The following CCDC175 variants were observed in gnomAD, a reference collection of about 807,000 sequenced individuals.
The protein encoded by CCDC175 is coiled-coil domain-containing protein 175.
Under a neutral mutation model 114.6 loss-of-function variants are expected in CCDC175, and 100 were observed. The observed-to-expected ratio is 0.87, with a 90% CI of 0.74 to 1.03. CCDC175 has a LOEUF of 1.03. CCDC175 is among the 50% of genes least tolerant of loss of function. CCDC175 has a pLI of 0.00. For synonymous variants in CCDC175, 306 were observed against 308.7 expected, an observed-to-expected ratio of 0.99 and a Z score of 0.09; for missense variants, 880 against 917.8, an observed-to-expected ratio of 0.96 and a Z score of 0.53.
At chr14:59,571,025 G>T (rs1449314736) in intron 3 of CCDC175, among the ~76,000 whole-genome samples, 1 of 152,070 alleles carries the variant, frequency 6.6e-6, no homozygotes, top group Non-Finnish European at 1.5e-5. Context: ...ACAGGCGTGA[G>T]CCACCTTGCC....
At position 59,521,640 on chromosome 14, in the gene CCDC175, T is replaced by A; in HGVS notation, c.2032A>T (p.Arg678Ter). The A allele has an allele frequency of 6.5e-7, 1 of 1,533,700 alleles. No individual in the cohort carries two copies. Among genetic ancestry groups the A allele is most frequent in the Non-Finnish European group, 8.7e-7 (1 of 1,143,600 alleles). ...LYLKNNIEKYREGQEALMHTS... is the reference protein window; with the variant it reads ...LYLKNNIEKY The stretch of plus-strand genomic sequence containing the variant: ...TGCATGAGGGCTTCTTGTCCTTCTC[T>A]GTATTTCTCTATGTTATTCTTCAAG... Residue 678 changes from arginine (R) to a stop codon, truncating the protein, a stop_gained, in exon 17 of 20, where the codon AGA (arginine) becomes TGA (stop). Transcript: ENST00000537690. LOFTEE classifies it high-confidence loss of function.
chr14:59,536,490 T>G (rs980159482), intron 13 of CCDC175, among the ~76,000 whole-genome samples: 7 of 151,734 alleles, frequency 4.6e-5, no homozygotes, highest in African/African-American at 1.7e-4. Flanking sequence ...AAAGGCAGAG[T>G]TTTTGCCTGT....
rs1377525068 is a variant in CCDC175, at chr14:59,568,324, T to C, written c.412A>G (p.Arg138Gly). Residue 138 changes from arginine to glycine, a missense_variant, in exon 4 of 20, where the codon AGA (arginine) becomes GGA (glycine). Arg to Gly is a moderately radical substitution (Grantham distance 125, BLOSUM62 -2). Coordinates refer to ENST00000537690, the MANE Select transcript of CCDC175 (RefSeq NM_001164399.2). The stretch of plus-strand genomic sequence containing the variant: ...ATTTCATTCTCTGTCCTTGTAATTC[T>C]CATTTTTATTGTATTTATCTCAAAA... The part of the protein sequence containing the change: ...NLFEINTIKM[R>G]ITRTENEIEL... 1.3e-6 allele frequency: 2 copies of C among 1,533,082 alleles called. No homozygotes were observed. The highest frequency in any genetic ancestry group is 1.4e-5 in the African/African-American group (1 of 72,750). 95.0% of individuals were successfully genotyped at this position (1,533,082 alleles called of 1,614,324 possible). A position where few individuals can be genotyped will look rare whatever the true frequency, so the allele number is the denominator to read the frequency against.
At chr14:59,507,584 G>A (rs934639639) in intron 19 of CCDC175, among the ~76,000 whole-genome samples, 3 of 152,180 alleles carry the variant, frequency 2.0e-5, no homozygotes, top group Non-Finnish European at 4.4e-5. Flanking sequence ...GAAGTCCTGT[G>A]GCAGAACCCA....
chr14:59,543,424 C>T lies in CCDC175; in HGVS notation c.1203G>A (p.Gln401=). 6.9e-7 allele frequency: 1 copy of T among 1,455,600 alleles called. No homozygotes were observed. The highest frequency in any genetic ancestry group is 9.1e-7 in the Non-Finnish European group (1 of 1,095,110). 90.2% of individuals were successfully genotyped at this position (1,455,600 alleles called of 1,614,324 possible). Residue 401 remains glutamine, a synonymous_variant, in exon 10 of 20, where the codon CAG becomes CAA. Transcript: ENST00000537690. ...TCTTTTGTGACAGAAAGTATTCTTT[C>T]TGAGAAATAAATGTCAGCTGTTTCT... The part of the protein sequence containing the change: ...ENQKQLTFIS[Q]KEYFLSQKRV...
chr14:59,522,148 T>C (rs1263241563), intron 16 of CCDC175, among the ~76,000 whole-genome samples: 1 of 152,208 alleles, frequency 6.6e-6, no homozygotes, highest in Non-Finnish European at 1.5e-5. Flanking sequence ...GTGGTGGCAG[T>C]AGTGACAGGT....
intron 10 of CCDC175, 146 bp from the exon 11 acceptor site, chr14:59,540,892 T>C: frequency 1.4e-6 from 1 of 704,146 alleles, no homozygotes; most frequent in Non-Finnish European, 2.3e-6. Flanking sequence ...AACATTTCAG[T>C]GGCAGACTGA....
At chr14:59,518,412 A>C (rs189905203) in intron 17 of CCDC175, among the ~76,000 whole-genome samples, 1 of 152,156 alleles carries the variant, frequency 6.6e-6, no homozygotes, top group African/African-American at 2.4e-5. Context: ...AAATTTTTGC[A>C]ATCTACTCAT....
chr14:59,563,475 AT>A (rs550046060), intron 6 of CCDC175, among the ~76,000 whole-genome samples: 183 of 152,258 alleles, frequency 1.2e-3, no homozygotes, highest in African/African-American at 3.5e-3. Context: ...AGTTCTGTAT[AT>A]TTTTTTAAAT....
At chr14:59,514,898 G>A (rs566820581) in intron 17 of CCDC175, among the ~76,000 whole-genome samples, 2 of 152,272 alleles carry the variant, frequency 1.3e-5, no homozygotes, top group East Asian at 1.9e-4. Context: ...AGGAAAAAAT[G>A]TTAAGGGCAG....
chr14:59,575,449 T>A (rs1478188589), intron 1 of CCDC175, among the ~76,000 whole-genome samples: 1 of 149,840 alleles, frequency 6.7e-6, no homozygotes, highest in Non-Finnish European at 1.5e-5. Flanking sequence ...TGACCTCAGA[T>A]ACATGTGAAT....
chr14:59,530,268 G>T (rs941313273), intron 14 of CCDC175, among the ~76,000 whole-genome samples: 1 of 152,038 alleles, frequency 6.6e-6, no homozygotes, highest in African/African-American at 2.4e-5. Flanking sequence ...TCAGGAGGCT[G>T]AGGCAGGAGA....
chr14:59,531,590 A>G (rs1326160195), intron 14 of CCDC175, among the ~76,000 whole-genome samples, 182 bp downstream of exon 14: 1 of 152,204 alleles, frequency 6.6e-6, no homozygotes, highest in Non-Finnish European at 1.5e-5. Context: ...CAATGGTAAG[A>G]TGGTAGTGTG....
At chr14:59,538,669 T>G (rs753156930) in intron 12 of CCDC175, 36 bp downstream of exon 12, 2 of 1,488,474 alleles carry the variant, frequency 1.3e-6, no homozygotes, top group Non-Finnish European at 1.8e-6. Context: ...ATATGCAATG[T>G]AGGGGACTAA....
At chr14:59,520,464 A>G (rs1409507888) in intron 17 of CCDC175, among the ~76,000 whole-genome samples, 3 of 152,196 alleles carry the variant, frequency 2.0e-5, no homozygotes, top group Non-Finnish European at 4.4e-5. Context: ...TTAATCATAC[A>G]CTAATTGCTA....
rs111855804 is a variant in CCDC175 at position 59,511,666 on chromosome 14, A to G, written c.2142+94T>C. On this transcript the variant is annotated intron_variant, in intron 18 of 19. Transcript: ENST00000537690. ...CACCCTGATGCGTGCATGCAGGTGC[A>G]CACAGACACAAAAGCACACACACTT... 2,965 of 1,013,844 alleles carry G rather than the reference A, an allele frequency of 2.9e-3. 44 individuals are homozygous for G. The African/African-American group carries it at 0.042, about 14-fold the overall frequency. The allele number at this position is 1,013,844 out of a possible 1,614,324, so 62.8% of individuals were successfully genotyped here.
At position 59,568,362 on chromosome 14, in the gene CCDC175, C is replaced by A; in HGVS notation, c.374G>T (p.Arg125Leu). Residue 125 changes from arginine (R) to leucine (L), a missense_variant, in exon 4 of 20, where the codon CGC becomes CTC. Arg to Leu is a moderately radical substitution (Grantham distance 102). Transcript: ENST00000537690. ...RELEECVRDA[R>L]RLNLFEINTI... ...ATTTATCTCAAAAAGATTTAATCTG[C>A]GAGCGTCTCGGACACATTCTTCAAA... 1.3e-6 allele frequency: 2 copies of A among 1,526,194 alleles called. No individual in the cohort carries two copies. The highest frequency in any genetic ancestry group is 2.5e-5 in the East Asian group (1 of 40,334). The allele number at this position is 1,526,194 out of a possible 1,614,324, so 94.5% of individuals were successfully genotyped here.
intron 19 of CCDC175, 29 bp downstream of exon 19, chr14:59,510,617 T>G: frequency 6.5e-7 from 1 of 1,535,844 alleles, no homozygotes; most frequent in Non-Finnish European, 8.7e-7. Flanking sequence ...GGAAGTCCCA[T>G]GTTACCAAAG....
intron 15 of CCDC175, among the ~76,000 whole-genome samples, chr14:59,526,727 C>T (rs1267608199): frequency 6.6e-6 from 1 of 152,166 alleles, no homozygotes; most frequent in Non-Finnish European, 1.5e-5. Context: ...CCACTGCAAC[C>T]TTTGTTCACT....
Sources: allele counts gnomAD v4.1 joint callset (sites outside exome capture counted in the v4.1 genomes callset), GRCh38; gene constraint gnomAD v4.1.1; transcripts MANE v1.5; gene names NCBI Gene and HGNC (gene_info 2026-07-23, HGNC 2026-07-21).